The following SLC26A5 variants were observed in gnomAD, a reference collection of about 807,000 sequenced individuals.
SLC26A5 encodes prestin.
SLC26A5 carries 51 observed loss-of-function variants against 81.0 expected under a neutral mutation model. The observed-to-expected ratio is 0.63, with a 90% CI of 0.50 to 0.80. The LOEUF (loss-of-function observed/expected upper bound fraction) is 0.80. Among genes scored for constraint, SLC26A5 ranks in the 30% least tolerant of loss-of-function variants. SLC26A5 has a pLI of 0.00. For synonymous variants in SLC26A5, 325 were observed against 332.8 expected, an observed-to-expected ratio of 0.98 and a Z score of 0.25; for missense variants, 771 against 905.8, an observed-to-expected ratio of 0.85 and a Z score of 1.91.
chr7:103,373,729 A>T (rs1443458745), downstream of SLC26A5, among the ~76,000 whole-genome samples: 1 of 152,226 alleles, frequency 6.6e-6, no homozygotes, highest in Non-Finnish European at 1.5e-5. Flanking sequence ...GAGATTGTTG[A>T]TTAAAGAAAA....
intron 14 of SLC26A5, among the ~76,000 whole-genome samples, chr7:103,385,073 G>T (rs1005265269): frequency 5.3e-5 from 8 of 152,068 alleles, no homozygotes; most frequent in African/African-American, 1.9e-4. Flanking sequence ...GCTTTGGGGG[G>T]CAGAAGCTGA....
intron 2 of SLC26A5, among the ~76,000 whole-genome samples, chr7:103,430,823 T>C (rs1470320990): frequency 6.6e-6 from 1 of 152,216 alleles, no homozygotes; most frequent in Non-Finnish European, 1.5e-5. Context: ...AAAGGCAGGA[T>C]GCAGGTTCCA....
chr7:103,439,414 T>C (rs1045333164), intron 2 of SLC26A5, among the ~76,000 whole-genome samples: 4 of 152,202 alleles, frequency 2.6e-5, no homozygotes, highest in African/African-American at 9.7e-5. Flanking sequence ...GTGTGATCTT[T>C]AGCACCCTCT....
intron 8 of SLC26A5, among the ~76,000 whole-genome samples, chr7:103,406,259 C>T (rs1171564693): frequency 2.6e-5 from 4 of 152,266 alleles, no homozygotes; most frequent in Admixed American, 6.5e-5. Flanking sequence ...TCAGTGTCTG[C>T]CCAAATAGCT....
chr7:103,443,279 T>G (rs993370100), intron 1 of SLC26A5, 68 bp from the exon 2 acceptor site: 1 of 152,226 alleles, frequency 6.6e-6, no homozygotes, highest in African/African-American at 2.4e-5. Flanking sequence ...AGAAGCTATG[T>G]CCAAAATATT....
chr7:103,427,607 TA>T (rs1244064439), intron 2 of SLC26A5, among the ~76,000 whole-genome samples: 11 of 152,212 alleles, frequency 7.2e-5, no homozygotes, highest in Admixed American at 7.2e-4. Flanking sequence ...AACAACATTT[TA>T]AACTTCAGAC....
Position 103,390,470 on chromosome 7 carries a change from C to G in SLC26A5, c.1270G>C (p.Val424Leu), listed in dbSNP as rs147328805. Residue 424 changes from valine (V) to leucine (L), a missense_variant, in exon 12 of 20, where the codon GTC becomes CTC. Transcript: ENST00000306312. ...GCLASLMILL[V>L]ILATGFLFES... ...AAGAGGAATCCAGTTGCTAATATGA[C>G]CAGCAGAATCATTAATGAGGCCAAA... 8.7e-6 allele frequency: 14 copies of G among 1,614,020 alleles called. No individual in the cohort carries two copies. Among genetic ancestry groups the G allele is most frequent in the African/African-American group, 4.0e-5 (3 of 74,916 alleles).
chr7:103,408,048 CT>C (rs1230067509), intron 7 of SLC26A5, 45 bp from the exon 8 acceptor site: 3 of 1,612,530 alleles, frequency 1.9e-6, no homozygotes, highest in Non-Finnish European at 2.5e-6. Context: ...GAAATCGCCC[CT>C]GAGAGAGACA....
chr7:103,372,258 G>C (rs76768096), downstream of SLC26A5, among the ~76,000 whole-genome samples: 15,774 of 152,244 alleles, frequency 0.1, 1,494 homozygotes, highest in African/African-American at 0.26. Flanking sequence ...TTAGTAAAGA[G>C]AGTGAGAAAT....
intron 19 of SLC26A5, among the ~76,000 whole-genome samples, chr7:103,364,863 AAATT>A (rs1472574421): frequency 6.6e-6 from 1 of 151,544 alleles, no homozygotes; most frequent in Admixed American, 6.6e-5. Context: ...AATGCCTGGT[AAATT>A]AATTAAAAAG....
intron 9 of SLC26A5, among the ~76,000 whole-genome samples, chr7:103,397,104 GA>G (rs771771741): frequency 0.023 from 2,035 of 89,456 alleles, 20 homozygotes; most frequent in South Asian, 0.04. Context: ...CAAAAAAAAA[GA>G]AAAAAAAAAA....
intron 19 of SLC26A5, chr7:103,355,654 C>A: frequency 7.0e-7 from 1 of 1,423,624 alleles, no homozygotes. Context: ...TAGGGTGATG[C>A]ATTACATTTT....
chr7:103,420,709 A>AG (rs1301309624), intron 4 of SLC26A5, 29 bp downstream of exon 4: 3 of 1,613,420 alleles, frequency 1.9e-6, no homozygotes, highest in Admixed American at 1.7e-5. Context: ...GAGGACAGCA[A>AG]GGGGGGAAAG....
chr7:103,421,448 AG>A lies in SLC26A5; in HGVS notation c.66del (p.Phe23LeufsTer24). Reference protein sequence around the residue: ...ATQRYYVERPIFSHPVLQERL... With the variant: ...ATQRYYVERPXFSHPVLQERL... The stretch of plus-strand genomic sequence containing the variant: ...CTTTCCTGGAGGACCGGATGACTAA[AG>A]ATAGGCCTTTCCACATAGTACCTCT... On this transcript the variant is annotated frameshift_variant, in exon 3 of 20. Transcript: ENST00000306312. LOFTEE classifies it high-confidence loss of function. The A allele has an allele frequency of 6.2e-7, 1 of 1,614,090 alleles. No individual in the cohort carries two copies. Among genetic ancestry groups the A allele is most frequent in the Non-Finnish European group, 8.5e-7 (1 of 1,179,954 alleles).
chr7:103,378,251 T>C (rs974067382), intron 17 of SLC26A5, among the ~76,000 whole-genome samples, 195 bp downstream of exon 17: 1 of 152,226 alleles, frequency 6.6e-6, no homozygotes, highest in African/African-American at 2.4e-5. Context: ...AAAATGATGT[T>C]TTCCTTACTT....
intron 8 of SLC26A5, among the ~76,000 whole-genome samples, chr7:103,402,260 G>A (rs1823656620): frequency 6.6e-6 from 1 of 152,118 alleles, no homozygotes; most frequent in Non-Finnish European, 1.5e-5. Flanking sequence ...TCTATTCAGG[G>A]ATTCAAGTTC....
chr7:103,394,078 C>G (rs1381798940), intron 9 of SLC26A5, among the ~76,000 whole-genome samples: 2 of 152,134 alleles, frequency 1.3e-5, no homozygotes, highest in Non-Finnish European at 2.9e-5. Context: ...GCTCATCTAC[C>G]AAGTACAACA....
intron 2 of SLC26A5, among the ~76,000 whole-genome samples, chr7:103,429,433 C>T (rs1451011128): frequency 1.3e-5 from 2 of 152,142 alleles, no homozygotes; most frequent in South Asian, 2.1e-4. Flanking sequence ...ATTTTTTCAA[C>T]ATTGCCCTGA....
intron 14 of SLC26A5, among the ~76,000 whole-genome samples, chr7:103,383,673 TTTAC>T (rs1202109347): frequency 6.6e-6 from 1 of 152,178 alleles, no homozygotes; most frequent in Non-Finnish European, 1.5e-5. Context: ...TGTTTTATTA[TTTAC>T]TTATTTATTT....
Sources: gnomAD v4.1 joint callset for allele counts (sites outside exome capture counted in the v4.1 genomes callset) on GRCh38, gnomAD v4.1.1 for gene constraint, MANE v1.5 for transcripts, NCBI Gene and HGNC (gene_info 2026-07-23, HGNC 2026-07-21) for gene names.